Variants in SLC25A48 observed in about 807,000 individuals in gnomAD.
SLC25A48 encodes CTC-321K16.1.
In SLC25A48, 29 loss-of-function variants were observed where a neutral mutation model predicts 32.2. That is an observed-to-expected ratio of 0.90 (90% CI 0.67 to 1.23). The LOEUF is 1.23. SLC25A48 is among the 50% of genes most tolerant of loss of function. SLC25A48 has a pLI of 0.00. For synonymous variants in SLC25A48, 164 were observed against 172.3 expected, an observed-to-expected ratio of 0.95 and a Z score of 0.38; for missense variants, 399 against 422.7, an observed-to-expected ratio of 0.94 and a Z score of 0.49.
chr5:135,857,118 C>T (rs564211245), intron 4 of SLC25A48, among the ~76,000 whole-genome samples: 21 of 152,282 alleles, frequency 1.4e-4, no homozygotes, highest in Non-Finnish European at 2.8e-4. Flanking sequence ...GAGGTGTTTC[C>T]CAATAAATAC....
At chr5:135,802,618 G>A (rs1336557432) in intron 3 of SLC25A48, among the ~76,000 whole-genome samples, 1 of 151,376 alleles carries the variant, frequency 6.6e-6, no homozygotes, top group Non-Finnish European at 1.5e-5. Flanking sequence ...TATCACAGTA[G>A]GGGTACACCA....
At chr5:135,720,210 T>G (rs1164537223) in intron 3 of SLC25A48, among the ~76,000 whole-genome samples, 1 of 152,244 alleles carries the variant, frequency 6.6e-6, no homozygotes, top group African/African-American at 2.4e-5. Flanking sequence ...TTCAGTTGAC[T>G]CAGACCCATT....
intron 3 of SLC25A48, chr5:135,650,324 C>A: frequency 2.3e-6 from 1 of 439,418 alleles, no homozygotes. Flanking sequence ...CTGGTACACT[C>A]CAAGCTCACT....
intron 3 of SLC25A48, among the ~76,000 whole-genome samples, chr5:135,683,130 T>C (rs1040704687): frequency 2.0e-5 from 3 of 152,198 alleles, no homozygotes; most frequent in African/African-American, 7.2e-5. Context: ...CAACCCTCCA[T>C]TGACCTGACT....
rs140017964 is a variant in SLC25A48, at chr5:135,637,247, T to G, written c.-521+2291T>G. 1.0e-3 allele frequency among the ~76,000 whole-genome samples: 152 copies of G among 152,340 alleles called. 3 individuals carry two copies. The East Asian group carries it at 0.023, about 23-fold the overall frequency. ...ACACAGTGAAACCATACCTTCCTGC[T>G]GGAGTTGAACCAGAGGAGGAAAGCT... On this transcript the variant is annotated intron_variant, in intron 3 of 10. Coordinates refer to the SLC25A48 transcript ENST00000646290.
chr5:135,641,514 T>A (rs1752837136), intron 3 of SLC25A48, among the ~76,000 whole-genome samples: 1 of 137,094 alleles, frequency 7.3e-6, no homozygotes, highest in Non-Finnish European at 1.6e-5. Flanking sequence ...AAGAACAACA[T>A]AGGCTCCCAG....
At chr5:135,776,431 C>G (rs965681704) in intron 3 of SLC25A48, among the ~76,000 whole-genome samples, 1 of 151,172 alleles carries the variant, frequency 6.6e-6, no homozygotes, top group South Asian at 2.1e-4. Context: ...ATATAAAAGG[C>G]GGGAGAGGAT....
chr5:135,688,578 G>T (rs1010521304), intron 3 of SLC25A48, among the ~76,000 whole-genome samples: 1 of 152,184 alleles, frequency 6.6e-6, no homozygotes, highest in African/African-American at 2.4e-5. Context: ...GCTATCCAGG[G>T]AATATTGATT....
rs528484355 is a variant in SLC25A48 at position 135,595,815 on chromosome 5, C to T, written c.-849+16218C>T. 2.6e-5 allele frequency among the ~76,000 whole-genome samples: 4 copies of T among 152,314 alleles called. No individual in the cohort carries two copies. In the South Asian group the frequency reaches 6.2e-4, roughly 24 times the overall value. On this transcript the variant is annotated intron_variant, in intron 1 of 10. Transcript: ENST00000646290. ...CAGTGACTGGCACATAGTACATGCT[C>T]CATACCTGTTAACTGTCATTATCAT...
In SLC25A48 at chr5:135,646,704, T is replaced by G. The variant is rs573770514; in HGVS notation, c.-521+11748T>G. On this transcript the variant is annotated intron_variant, in intron 3 of 10. Coordinates refer to the SLC25A48 transcript ENST00000646290. ...ACAATGGGAAGGACATAATGCTAAG[T>G]GAAATATGCCAGGCACAGAAAGACA... Among the ~76,000 whole-genome samples the G allele has an allele frequency of 1.9e-3, 278 of 144,126 alleles. 5 individuals are homozygous for G. Among genetic ancestry groups the G allele is most frequent in the African/African-American group, 6.9e-3 (269 of 38,982 alleles). 94.6% of individuals were successfully genotyped at this position (144,126 alleles called of 152,430 possible).
At chr5:135,836,876 C>T (rs1758551127) in intron 1 of SLC25A48, among the ~76,000 whole-genome samples, 1 of 152,132 alleles carries the variant, frequency 6.6e-6, no homozygotes, top group East Asian at 1.9e-4. Flanking sequence ...GGCTGCCTGG[C>T]ACCAGAATCT....
At chr5:135,745,310 C>T (rs1755614291) in intron 3 of SLC25A48, among the ~76,000 whole-genome samples, 1 of 152,194 alleles carries the variant, frequency 6.6e-6, no homozygotes, top group Non-Finnish European at 1.5e-5. Flanking sequence ...ACAGATCGCT[C>T]ATGCTATTGT....
At chr5:135,652,217 C>T (rs1398617713) in intron 3 of SLC25A48, 1 of 379,550 alleles carries the variant, frequency 2.6e-6, no homozygotes, top group Non-Finnish European at 5.2e-6. Flanking sequence ...AACACTGAGC[C>T]CCTGATATGA....
At position 135,874,167 on chromosome 5, in the gene SLC25A48, C is replaced by T; in HGVS notation, c.813+13C>T. 3 of 1,438,660 alleles carry T rather than the reference C, an allele frequency of 2.1e-6. No individual in the cohort carries two copies. Among genetic ancestry groups the T allele is most frequent in the Non-Finnish European group, 1.8e-6 (2 of 1,104,342 alleles). 89.1% of individuals were successfully genotyped at this position (1,438,660 alleles called of 1,614,324 possible). A position where few individuals can be genotyped will look rare whatever the true frequency, so the allele number is the denominator to read the frequency against. On this transcript the variant is annotated intron_variant, in intron 6 of 7. Transcript: ENST00000681962. ...GGAAGGTCTTAAAGTAAGCCCACAG[C>T]AGGCCTGCGGGGTCAGTGTCAGTCC...
At chr5:135,645,137 T>C (rs1430992921) in intron 3 of SLC25A48, among the ~76,000 whole-genome samples, 1 of 152,214 alleles carries the variant, frequency 6.6e-6, no homozygotes, top group Non-Finnish European at 1.5e-5. Context: ...GGAGCGTTGA[T>C]ATAATTCCGA....
rs370928971 is a variant in SLC25A48, at chr5:135,849,667, T to C, written c.91-758T>C. Among the ~76,000 whole-genome samples, 26 of 152,160 alleles carry C rather than the reference T, an allele frequency of 1.7e-4. 1 individual carries two copies. Among genetic ancestry groups the C allele is most frequent in the African/African-American group, 5.8e-4 (24 of 41,510 alleles). On this transcript the variant is annotated intron_variant, in intron 2 of 7. Transcript: ENST00000681962. Reference sequence around the variant, plus strand: ...CATAAACTCTATATAATCAAATACATAGGGCCACTGCGACATTTCGACTCA... The same window carrying C: ...CATAAACTCTATATAATCAAATACACAGGGCCACTGCGACATTTCGACTCA...
chr5:135,795,504 C>T (rs1014108758), intron 3 of SLC25A48, among the ~76,000 whole-genome samples: 12 of 151,682 alleles, frequency 7.9e-5, no homozygotes, highest in Non-Finnish European at 1.3e-4. Flanking sequence ...TCATATTATT[C>T]CCAATATTTA....
At chr5:135,696,499 G>GTGAATGAATGAA (rs146611202) in intron 3 of SLC25A48, among the ~76,000 whole-genome samples, 2 of 151,978 alleles carry the variant, frequency 1.3e-5, no homozygotes, top group African/African-American at 2.4e-5. Flanking sequence ...TGCTGGGTGA[G>GTGAATGAATGAA]TGAATGAATG....
At chr5:135,691,605 T>A (rs775701481) in intron 3 of SLC25A48, among the ~76,000 whole-genome samples, 5 of 152,176 alleles carry the variant, frequency 3.3e-5, no homozygotes, top group Non-Finnish European at 7.4e-5. Flanking sequence ...ATACTATAAC[T>A]AGAAGAGTCC....
Sources: gnomAD v4.1 joint callset for allele counts (sites outside exome capture counted in the v4.1 genomes callset) on GRCh38, gnomAD v4.1.1 for gene constraint, MANE v1.5 for transcripts, NCBI Gene and HGNC (gene_info 2026-07-23, HGNC 2026-07-21) for gene names.